The following DYNC2I2 variants were observed in gnomAD, a reference collection of about 807,000 sequenced individuals.
DYNC2I2 encodes dynein 2 intermediate chain 2, also known as cytoplasmic dynein 2 intermediate chain 2.
A neutral mutation model predicts 52.0 loss-of-function variants in DYNC2I2; 39 were observed. The observed-to-expected ratio is 0.75, with a 90% CI of 0.58 to 0.98. The LOEUF is 0.98. Ranked by LOEUF, DYNC2I2 falls within the 50% of genes least tolerant of loss-of-function variation. The probability of loss-of-function intolerance (pLI) is 0.00; values close to 1 mark genes in which losing one functional copy is unlikely to be tolerated. For synonymous variants in DYNC2I2, 359 were observed against 321.1 expected (o/e 1.12, Z -1.26); for missense variants, 743 against 728.4 (o/e 1.02, Z -0.23).
chr9:128,668,103 G>C, the DYNC2I2 span, among the ~76,000 whole-genome samples: 2 of 151,826 alleles, frequency 1.3e-5, no homozygotes, highest in African/African-American at 4.9e-5. Context: ...TGGGATTACA[G>C]GCGTGAGCCA....
chr9:128,642,286 CAA>C (rs34133160), intron 1 of DYNC2I2, among the ~76,000 whole-genome samples: 15 of 88,922 alleles, frequency 1.7e-4, no homozygotes, highest in Non-Finnish European at 1.8e-4. Context: ...GACTCCGTCT[CAA>C]AAAAAAAAAA....
chr9:128,640,687 C>G lies in DYNC2I2; in HGVS notation c.435+4G>C, dbSNP rs745382410. On this transcript the variant is annotated splice_donor_region_variant and intron_variant, in intron 2 of 8. Coordinates refer to ENST00000372715, the MANE Select transcript of DYNC2I2 (RefSeq NM_052844.4). ...ACCCGAGGCTGCACCAGCCCATCCCCTACCATCTGCTGCTGCTCGGTCCAG... is the reference window on the plus strand; with the variant it reads ...ACCCGAGGCTGCACCAGCCCATCCCGTACCATCTGCTGCTGCTCGGTCCAG... The G allele has an allele frequency of 1.2e-6, 2 of 1,613,148 alleles. No homozygotes were observed. Among genetic ancestry groups the G allele is most frequent in the Non-Finnish European group, 1.7e-6 (2 of 1,179,404 alleles).
At position 128,636,388 on chromosome 9, in the gene DYNC2I2, T is replaced by A; in HGVS notation, c.596A>T (p.Asn199Ile). ...STLKSFVCAW[N>I]LDRRDLRPQQ... ...GGGACGCAGGTCTCGCCGGTCCAGG[T>A]TCCAGGCACACACGAAGGACTTAAG... The change falls in exon 4 of 9, where the codon AAC becomes ATC. Residue 199 changes from asparagine (N) to isoleucine (I), a missense_variant. Coordinates refer to ENST00000372715, the MANE Select transcript of DYNC2I2 (RefSeq NM_052844.4). The A allele has an allele frequency of 1.9e-6, 3 of 1,610,874 alleles. No individual in the cohort carries two copies. The highest frequency in any genetic ancestry group is 2.5e-6 in the Non-Finnish European group (3 of 1,179,008).
Position 128,650,526 on chromosome 9 carries a change from C to CATAT in DYNC2I2, c.186+6011_186+6014dup, listed in dbSNP as rs57194999. ...AGAAAAGTCAAGTCAGGCCAAAGAC[C>CATAT]ATATATATATATATATATATATGCC... is the stretch of plus-strand genomic sequence containing the variant. On this transcript the variant is annotated intron_variant, in intron 1 of 8. Coordinates refer to ENST00000372715, the MANE Select transcript of DYNC2I2 (RefSeq NM_052844.4). Among the ~76,000 whole-genome samples, 134 of 41,466 alleles carry CATAT rather than the reference C, an allele frequency of 3.2e-3. 54 individuals carry two copies. Among genetic ancestry groups the CATAT allele is most frequent in the East Asian group, 6.4e-3 (19 of 2,984 alleles). The allele number at this position is 41,466 out of a possible 152,430, so 27.2% of individuals were successfully genotyped here.
Position 128,656,781 on chromosome 9 carries a change from C to G in DYNC2I2, c.-55G>C. On this transcript the variant is annotated 5_prime_UTR_variant, in exon 1 of 9. Coordinates refer to ENST00000372715, the MANE Select transcript of DYNC2I2 (RefSeq NM_052844.4). ...CACTCAGGCGCGACCTCCGCCCCTA[C>G]GCCGCCATGAGCGGAAAACGGGGAA... The G allele has an allele frequency of 1.5e-6, 2 of 1,311,996 alleles. No homozygotes were observed. The highest frequency in any genetic ancestry group is 1.9e-6 in the Non-Finnish European group (2 of 1,028,664). The allele number at this position is 1,311,996 out of a possible 1,614,324, so 81.3% of individuals were successfully genotyped here. A position where few individuals can be genotyped will look rare whatever the true frequency, so the allele number is the denominator to read the frequency against.
At chr9:128,663,649 CTTTTTTTTTTTTT>C in the DYNC2I2 span, 4 of 77,128 alleles carry the variant, frequency 5.2e-5, no homozygotes, top group African/African-American at 1.7e-4. Flanking sequence ...TAGTTTTTTT[CTTTTTTTTTTTTT>C]TTTTTTTTGA....
the DYNC2I2 span, among the ~76,000 whole-genome samples, chr9:128,668,762 G>T: frequency 4.1e-4 from 62 of 150,752 alleles, no homozygotes; most frequent in African/African-American, 1.4e-3. Flanking sequence ...AGAAGTTGCA[G>T]TGAGCTGAGA....
chr9:128,644,472 TCTCA>T (rs1196330408), intron 1 of DYNC2I2, among the ~76,000 whole-genome samples: 4 of 151,858 alleles, frequency 2.6e-5, no homozygotes, highest in Admixed American at 2.6e-4. Context: ...AGAGACAGGG[TCTCA>T]CTATATTATC....
chr9:128,647,088 A>G (rs1860629467), intron 1 of DYNC2I2, among the ~76,000 whole-genome samples: 1 of 152,174 alleles, frequency 6.6e-6, no homozygotes, highest in South Asian at 2.1e-4. Context: ...TTGCGCCATC[A>G]CACTCCAGCC....
the DYNC2I2 span, among the ~76,000 whole-genome samples, chr9:128,674,887 T>C: frequency 6.6e-6 from 1 of 152,104 alleles, no homozygotes; most frequent in Non-Finnish European, 1.5e-5. Context: ...CAATGATAAC[T>C]TTTTAAGGAA....
At chr9:128,667,309 T>G in the DYNC2I2 span, among the ~76,000 whole-genome samples, 134 of 152,130 alleles carry the variant, frequency 8.8e-4, 1 homozygote, top group Admixed American at 2.2e-3. Context: ...TGCAGTAAAC[T>G]GTGATTATTT....
chr9:128,644,980 G>A (rs1860586759), intron 1 of DYNC2I2, among the ~76,000 whole-genome samples: 2 of 152,082 alleles, frequency 1.3e-5, no homozygotes, highest in Admixed American at 6.6e-5. Context: ...GTGATTTGAC[G>A]GCTCCACTGA....
the DYNC2I2 span, among the ~76,000 whole-genome samples, chr9:128,665,823 A>C: frequency 6.7e-6 from 1 of 149,778 alleles, no homozygotes; most frequent in Non-Finnish European, 1.5e-5. Flanking sequence ...CTGTAATTCC[A>C]ACACTTTGGG....
the DYNC2I2 span, among the ~76,000 whole-genome samples, chr9:128,678,163 G>C: frequency 6.8e-6 from 1 of 147,542 alleles, no homozygotes; most frequent in Non-Finnish European, 1.5e-5. Context: ...TCTGCCTCCC[G>C]CATTCAAGCG....
intron 1 of DYNC2I2, among the ~76,000 whole-genome samples, chr9:128,655,802 T>C (rs539489827): frequency 2.6e-4 from 38 of 145,852 alleles, no homozygotes; most frequent in African/African-American, 9.5e-4. Flanking sequence ...TCCCAGCTAC[T>C]GGGGAGGCTG....
chr9:128,651,964 A>G (rs1860723841), intron 1 of DYNC2I2: 1 of 151,478 alleles, frequency 6.6e-6, no homozygotes, highest in Non-Finnish European at 1.5e-5. Flanking sequence ...TGCTGCAGAG[A>G]ATGAGCACAT....
At position 128,634,282 on chromosome 9, in the gene DYNC2I2, AAC is replaced by A. The variant is rs765843445; in HGVS notation, c.1314_1315del (p.Phe439CysfsTer20). 2 of 1,613,924 alleles carry A rather than the reference AAC, an allele frequency of 1.2e-6. No homozygotes were observed. Among genetic ancestry groups the A allele is most frequent in the Non-Finnish European group, 1.7e-6 (2 of 1,180,006 alleles). Reference sequence around the variant, plus strand: ...CCGCACTGGGGACCAGCGCACAGCAAACAGATACTTGAGGGAGAGCTGCAGCG... The same window carrying A: ...CCGCACTGGGGACCAGCGCACAGCAAAGATACTTGAGGGAGAGCTGCAGCG... On this transcript the variant is annotated frameshift_variant, in exon 8 of 9. Transcript: ENST00000372715. LOFTEE classifies it high-confidence loss of function.
the DYNC2I2 span, among the ~76,000 whole-genome samples, chr9:128,670,383 T>C: frequency 1.3e-5 from 2 of 151,122 alleles, no homozygotes; most frequent in African/African-American, 2.4e-5. Flanking sequence ...GAGGTTGCAG[T>C]GAGCTGAGAT....
chr9:128,678,273 G>C, the DYNC2I2 span, among the ~76,000 whole-genome samples: 3 of 151,358 alleles, frequency 2.0e-5, no homozygotes, highest in Non-Finnish European at 4.4e-5. Context: ...TCTCCATGTT[G>C]GTCAGGCTGG....
Sources: gnomAD v4.1 joint callset for allele counts (sites outside exome capture counted in the v4.1 genomes callset) on GRCh38, gnomAD v4.1.1 for gene constraint, MANE v1.5 for transcripts, NCBI Gene and HGNC (gene_info 2026-07-23, HGNC 2026-07-21) for gene names.